Variants in RPL18A observed in about 807,000 individuals in gnomAD.
The protein encoded by RPL18A is ribosomal protein L18a.
For synonymous variants in RPL18A, 122 were observed against 96.9 expected (o/e 1.26, Z -1.52); for missense variants, 163 against 254.1 (o/e 0.64, Z 2.44).
chr19:17,861,648 C>T (rs2094277539), intron 2 of RPL18A, 176 bp downstream of exon 2: 1 of 616,390 alleles, frequency 1.6e-6, no homozygotes, highest in East Asian at 2.8e-5. Context: ...GGGACTGGAG[C>T]AGAGCTTATG....
In RPL18A at chr19:17,861,340, C is replaced by T. The variant is rs2094276928; in HGVS notation, c.66C>T (p.Cys22=). The T allele has an allele frequency of 1.9e-6, 3 of 1,613,540 alleles. No homozygotes were observed. The highest frequency in any genetic ancestry group is 1.1e-5 in the South Asian group (1 of 91,072). The change falls in exon 2 of 5, where the codon TGC becomes TGT. Residue 22 remains cysteine (C), a synonymous_variant. Coordinates refer to ENST00000222247, the MANE Select transcript of RPL18A (RefSeq NM_000980.4). ...VVGRCLPTPK[C]HTPPLYRMRI... is the part of the protein sequence containing the mutation. ...GTCGCTGCCTGCCCACCCCCAAATG[C>T]CACACGCCGCCCCTCTACCGCATGC...
In RPL18A at chr19:17,862,749, G is replaced by A. The variant is rs1229995351; in HGVS notation, c.329-169G>A. The A allele has an allele frequency of 3.9e-6, 3 of 761,656 alleles. No homozygotes were observed. In the Admixed American group the frequency reaches 5.1e-5, roughly 13 times the overall value. The allele number at this position is 761,656 out of a possible 1,614,324, so 47.2% of individuals were successfully genotyped here. On this transcript the variant is annotated intron_variant, in intron 3 of 4. Transcript: ENST00000222247. ...GTGGCCAGTGACTGCAGGGACCCAG[G>A]CCTTGGGCTATCTCGCTTCCCCACC...
At chr19:17,860,135 G>T (rs752051219) in intron 1 of RPL18A, 161 bp downstream of exon 1, 10 of 614,996 alleles carry the variant, frequency 1.6e-5, no homozygotes, top group Non-Finnish European at 2.4e-5. Flanking sequence ...GGCGGCCATC[G>T]TGGGAGCCGC....
intron 1 of RPL18A, chr19:17,860,996 G>A (rs1223076779): frequency 2.4e-6 from 1 of 419,712 alleles, no homozygotes; most frequent in African/African-American, 2.0e-5. Context: ...CATGAAGAAA[G>A]GAGGCTGTGG....
At position 17,862,113 on chromosome 19, in the gene RPL18A, T is replaced by C; in HGVS notation, c.218T>C (p.Leu73Pro). 1 of 1,612,136 alleles carries C rather than the reference T, an allele frequency of 6.2e-7. No individual in the cohort carries two copies. Among genetic ancestry groups the C allele is most frequent in the Non-Finnish European group, 8.5e-7 (1 of 1,179,892 alleles). The change falls in exon 3 of 5, where the codon CTG (leucine) becomes CCG (proline). Residue 73 changes from leucine to proline, a missense_variant. Transcript: ENST00000222247. ...TGGCAGGTGTTTGAGAAGTCCCCCC[T>C]GCGGGTGAAGAACTTCGGGATCTGG... is the stretch of plus-strand genomic sequence containing the variant. The part of the protein sequence containing the change: ...YCGQVFEKSP[L>P]RVKNFGIWLR...
Position 17,861,027 on chromosome 19 carries a change from G to A in RPL18A, c.19-266G>A, listed in dbSNP as rs148271562. 119 of 502,470 alleles carry A rather than the reference G, an allele frequency of 2.4e-4. 1 individual carries two copies. In the East Asian group the frequency reaches 4.1e-3, roughly 17 times the overall value. The allele number at this position is 502,470 out of a possible 1,614,324, so 31.1% of individuals were successfully genotyped here. Reference sequence around the variant, plus strand: ...TGTGGGTCTAAGCCACAGCTTTCCTGGTCTGAAACCCTTAGCCCAGGCAAA... The same window carrying A: ...TGTGGGTCTAAGCCACAGCTTTCCTAGTCTGAAACCCTTAGCCCAGGCAAA... On this transcript the variant is annotated intron_variant, in intron 1 of 4. Coordinates refer to ENST00000222247, the MANE Select transcript of RPL18A (RefSeq NM_000980.4).
intron 4 of RPL18A, 22 bp from the exon 5 acceptor site, chr19:17,863,149 A>G: frequency 6.2e-7 from 1 of 1,605,200 alleles, no homozygotes; most frequent in Admixed American, 1.7e-5. Flanking sequence ...CAACCCCCTC[A>G]ACATGCCTCC....
intron 1 of RPL18A, 56 bp downstream of exon 1, chr19:17,860,030 G>A (rs2094274228): frequency 6.9e-7 from 1 of 1,446,478 alleles, no homozygotes; most frequent in African/African-American, 1.5e-5. Context: ...GCCCCATCAG[G>A]GGCCTGCATA....
intron 1 of RPL18A, 109 bp downstream of exon 1, chr19:17,860,083 C>A (rs967799468): frequency 9.9e-7 from 1 of 1,005,996 alleles, no homozygotes; most frequent in East Asian, 3.2e-5. Flanking sequence ...CTGTTTGGGC[C>A]CCCCTTGGCC....
At chr19:17,862,341 A>G in intron 3 of RPL18A, 118 bp downstream of exon 3, 5 of 1,296,250 alleles carry the variant, frequency 3.9e-6, no homozygotes, top group Non-Finnish European at 5.3e-6. Context: ...GGCGGGGCAC[A>G]GGAAGACAAA....
intron 3 of RPL18A, chr19:17,862,692 C>T: frequency 1.3e-6 from 1 of 758,508 alleles, no homozygotes; most frequent in South Asian, 1.4e-5. Context: ...GGCCGTGCCC[C>T]TCAAAGTGAA....
intron 3 of RPL18A, chr19:17,862,525 T>G: frequency 1.4e-6 from 1 of 702,400 alleles, no homozygotes; most frequent in Non-Finnish European, 2.6e-6. Context: ...TGCCTAGTGT[T>G]GGGAGCTGGC....
chr19:17,861,093 C>A (rs965678676), intron 1 of RPL18A, 200 bp from the exon 2 acceptor site: 2 of 588,280 alleles, frequency 3.4e-6, no homozygotes, highest in African/African-American at 3.7e-5. Context: ...TGGAGACCTC[C>A]CTCTCCTCAG....
At position 17,861,337 on chromosome 19, in the gene RPL18A, A is replaced by G. The variant is rs759281551; in HGVS notation, c.63A>G (p.Lys21=). Residue 21 remains lysine (K), a synonymous_variant, in exon 2 of 5, where the codon AAA becomes AAG. Coordinates refer to ENST00000222247, the MANE Select transcript of RPL18A (RefSeq NM_000980.4). ...TGGGTCGCTGCCTGCCCACCCCCAAATGCCACACGCCGCCCCTCTACCGCA... is the reference window on the plus strand; with the variant it reads ...TGGGTCGCTGCCTGCCCACCCCCAAGTGCCACACGCCGCCCCTCTACCGCA... The part of the protein sequence containing the change: ...KVVGRCLPTP[K]CHTPPLYRMR... The G allele has an allele frequency of 4.3e-6, 7 of 1,613,392 alleles. No individual in the cohort carries two copies. The highest frequency in any genetic ancestry group is 4.0e-5 in the African/African-American group (3 of 74,852).
chr19:17,862,620 A>C (rs1469515863), intron 3 of RPL18A: 2 of 715,148 alleles, frequency 2.8e-6, no homozygotes, highest in South Asian at 2.7e-5. Flanking sequence ...ACTGTTTCTT[A>C]TAGCGGTGGT....
At position 17,862,901 on chromosome 19, in the gene RPL18A, C is replaced by G. The variant is rs372624160; in HGVS notation, c.329-17C>G. ...GCCCAGGCAACACCGTCACCCTGGC[C>G]CCGCTCCTTTCCACAGACCGAGACA... On this transcript the variant is annotated splice_polypyrimidine_tract_variant and intron_variant, in intron 3 of 4. Coordinates refer to ENST00000222247, the MANE Select transcript of RPL18A (RefSeq NM_000980.4). The G allele has an allele frequency of 6.3e-7, 1 of 1,579,930 alleles. No homozygotes were observed. Among genetic ancestry groups the G allele is most frequent in the Non-Finnish European group, 8.7e-7 (1 of 1,150,236 alleles).
rs928840621 is a variant in RPL18A at position 17,862,325 on chromosome 19, A to T, written c.328+102A>T. ...GTTCCCAGTGCAGGAGAGTCTCAGG[A>T]CTGGTGGCGGGGCACAGGAAGACAA... On this transcript the variant is annotated intron_variant, in intron 3 of 4. Transcript: ENST00000222247. 4.9e-6 allele frequency: 7 copies of T among 1,416,374 alleles called. 1 individual carries two copies. The South Asian group carries it at 5.2e-5, about 10-fold the overall frequency. 87.7% of individuals were successfully genotyped at this position (1,416,374 alleles called of 1,614,324 possible).
chr19:17,863,114 A>G (rs2094280664), intron 4 of RPL18A, 57 bp from the exon 5 acceptor site: 2 of 1,555,456 alleles, frequency 1.3e-6, no homozygotes, highest in African/African-American at 2.7e-5. Flanking sequence ...TGGTGGCCCC[A>G]CAGGATGGGG....
intron 1 of RPL18A, 62 bp downstream of exon 1, chr19:17,860,036 G>A: frequency 2.8e-6 from 4 of 1,418,878 alleles, no homozygotes; most frequent in Non-Finnish European, 3.7e-6. Context: ...TCAGGGGCCT[G>A]CATAAGTGGC....
Sources: allele counts gnomAD v4.1 joint callset, GRCh38; gene constraint gnomAD v4.1.1; transcripts MANE v1.5; gene names NCBI Gene and HGNC (gene_info 2026-07-23, HGNC 2026-07-21).